CPA4: variants seen among roughly 807,000 people sequenced by gnomAD.
The protein encoded by CPA4 is carboxypeptidase A4, also known as carboxypeptidase A3.
A neutral mutation model predicts 54.7 loss-of-function variants in CPA4; 49 were observed. The ratio of observed to expected loss-of-function variants is 0.90; its 90% CI spans 0.71 to 1.14. The LOEUF is 1.14. Ranked by LOEUF, CPA4 falls within the 50% of genes most tolerant of loss-of-function variation. The pLI is 0.00. For missense variants in CPA4, 487 were observed against 525.1 expected (o/e 0.93, Z 0.71); for synonymous variants, 215 against 206.8 (o/e 1.04, Z -0.34).
intron 4 of CPA4, among the ~76,000 whole-genome samples, chr7:130,301,761 G>A (rs1045079529): frequency 6.6e-6 from 1 of 152,100 alleles, no homozygotes; most frequent in African/African-American, 2.4e-5. Context: ...TCCCATGCTT[G>A]TCGGTAGCTT....
intron 1 of CPA4, among the ~76,000 whole-genome samples, chr7:130,296,884 T>C (rs1281492022): frequency 6.6e-6 from 1 of 151,476 alleles, no homozygotes; most frequent in African/African-American, 2.4e-5. Context: ...AGAGCGTGAG[T>C]TCAGCGGACG....
At position 130,305,931 on chromosome 7, in the gene CPA4, G is replaced by A. The variant is rs779886656; in HGVS notation, c.591+11G>A. The A allele has an allele frequency of 6.2e-6, 10 of 1,605,492 alleles. No homozygotes were observed. The East Asian group carries it at 6.7e-5, about 11-fold the overall frequency. Reference sequence around the variant, plus strand: ...TGGACGGCAAGGAAGGTCATGCTGCGTGGTATTAGCCAGGAATGCTGATGG... The same window carrying A: ...TGGACGGCAAGGAAGGTCATGCTGCATGGTATTAGCCAGGAATGCTGATGG... On this transcript the variant is annotated intron_variant, in intron 6 of 10. Transcript: ENST00000222482.
At chr7:130,295,810 C>A (rs1356009648) in intron 1 of CPA4, among the ~76,000 whole-genome samples, 6 of 152,048 alleles carry the variant, frequency 3.9e-5, no homozygotes, top group Non-Finnish European at 7.4e-5. Context: ...AGAAACCCCG[C>A]CTCTACTAAA....
chr7:130,310,810 TG>T lies in CPA4; in HGVS notation c.818del (p.Cys273SerfsTer16), dbSNP rs754273591. ...AGGAAAGGGAGCCAGCGACAACCCTTGCTCCGAAGTGTACCATGGACCCCAC... is the reference window on the plus strand; with the variant it reads ...AGGAAAGGGAGCCAGCGACAACCCTTCTCCGAAGTGTACCATGGACCCCAC... ...FAGKGASDNP[C>X]SEVYHGPHAN... is the part of the protein sequence containing the mutation. On this transcript the variant is annotated frameshift_variant, in exon 9 of 11. Transcript: ENST00000222482. LOFTEE classifies it high-confidence loss of function. This position sits in a 1 kb window ranked among gnomAD's most constrained non-coding sequence, Gnocchi z 4.3. The T allele has an allele frequency of 1.3e-4, 208 of 1,614,048 alleles. No homozygotes were observed. Among genetic ancestry groups the T allele is most frequent in the Middle Eastern group, 6.6e-4 (4 of 6,084 alleles).
rs1562927923 is a variant in CPA4, at chr7:130,298,750, C to G, written c.73C>G (p.Gln25Glu). Residue 25 changes from glutamine to glutamate, a missense_variant, in exon 2 of 11, where the codon CAA (glutamine) becomes GAA (glutamate). Physicochemically the swap from Gln to Glu is conservative, Grantham distance 29 (BLOSUM62 2). Transcript: ENST00000222482. ...TCCTTTTCGCTTCTTCCCCAGGGAC[C>G]AAGTTTTGAGGATTAATGTCAGAAA... ...ICGQEKFFGD[Q>E]VLRINVRNGD... 3 of 1,604,304 alleles carry G rather than the reference C, an allele frequency of 1.9e-6. No individual in the cohort carries two copies.
rs368498370 is a variant in CPA4 at position 130,312,048 on chromosome 7, C to T, written c.1004C>T (p.Ala335Val). ...APDAEELDKVARLAAKALASV... is the reference protein window; with the variant it reads ...APDAEELDKVVRLAAKALASV... ...ATTCCCCCTTCCCAGGACAAGGTGGCGAGGCTTGCGGCCAAAGCTCTGGCT... is the reference window on the plus strand; with the variant it reads ...ATTCCCCCTTCCCAGGACAAGGTGGTGAGGCTTGCGGCCAAAGCTCTGGCT... The change falls in exon 10 of 11, where the codon GCG becomes GTG. Residue 335 changes from alanine to valine, a missense_variant. Physicochemically the swap from Ala to Val is moderately conservative, Grantham distance 64. Transcript: ENST00000222482. The T allele has an allele frequency of 2.3e-5, 37 of 1,613,770 alleles. No individual in the cohort carries two copies. Among genetic ancestry groups the T allele is most frequent in the East Asian group, 4.5e-5 (2 of 44,890 alleles).
In CPA4 at chr7:130,322,781, G is replaced by A; in HGVS notation, c.*105G>A. On this transcript the variant is annotated 3_prime_UTR_variant, in exon 11 of 11. Transcript: ENST00000222482. ...ACCTGTGTGAGTCAGAGCCCTCTGG[G>A]TTTGTGGAGCACACAGGCCTGCCCC... 8.4e-7 allele frequency: 1 copy of A among 1,187,306 alleles called. No homozygotes were observed. The highest frequency in any genetic ancestry group is 1.2e-6 in the Non-Finnish European group (1 of 850,934). The allele number at this position is 1,187,306 out of a possible 1,614,324, so 73.5% of individuals were successfully genotyped here. A position where few individuals can be genotyped will look rare whatever the true frequency, so the allele number is the denominator to read the frequency against.
intron 10 of CPA4, among the ~76,000 whole-genome samples, chr7:130,320,154 C>A (rs1400198899): frequency 6.6e-6 from 1 of 152,016 alleles, no homozygotes; most frequent in East Asian, 1.9e-4. Context: ...CACTACAGAG[C>A]CCTTAAATGA....
intron 2 of CPA4, 101 bp downstream of exon 2, chr7:130,298,928 A>T (rs1290754958): frequency 1.3e-6 from 1 of 747,532 alleles, no homozygotes; most frequent in Non-Finnish European, 2.3e-6. Context: ...GGAGTCTCTG[A>T]ATATAATCCT....
At chr7:130,300,973 C>G in intron 4 of CPA4, 59 bp downstream of exon 4, 1 of 1,053,964 alleles carries the variant, frequency 9.5e-7, no homozygotes, top group Admixed American at 1.8e-5. Context: ...TTTGTAACCT[C>G]TCTCCTTACT....
intron 5 of CPA4, among the ~76,000 whole-genome samples, chr7:130,304,876 C>G (rs1014035603): frequency 2.0e-5 from 3 of 152,148 alleles, no homozygotes; most frequent in African/African-American, 7.2e-5. Flanking sequence ...TCATTCTCAC[C>G]TCTGTAAATA....
At chr7:130,306,353 A>C (rs1394211010) in intron 6 of CPA4, 1 of 233,800 alleles carries the variant, frequency 4.3e-6, no homozygotes. Flanking sequence ...ACTGCACTCC[A>C]GCCTGGGCAA....
In CPA4 at chr7:130,322,741, A is replaced by G; in HGVS notation, c.*65A>G. The G allele has an allele frequency of 6.7e-7, 1 of 1,499,456 alleles. No homozygotes were observed. 92.9% of individuals were successfully genotyped at this position (1,499,456 alleles called of 1,614,324 possible). ...CGTGCACGCACTGAGGCCATTGTTA[A>G]AGGAGCTCTTTCCTACCTGTGTGAG... On this transcript the variant is annotated 3_prime_UTR_variant, in exon 11 of 11. Coordinates refer to ENST00000222482, the MANE Select transcript of CPA4 (RefSeq NM_016352.4).
rs114165722 is a variant in CPA4 at position 130,313,593 on chromosome 7, G to A, written c.1078+1471G>A. 7.3e-3 allele frequency among the ~76,000 whole-genome samples: 1,079 copies of A among 147,732 alleles called. 17 individuals carry two copies. The highest frequency in any genetic ancestry group is 0.025 in the African/African-American group (1,022 of 41,224). On this transcript the variant is annotated intron_variant, in intron 10 of 10. Transcript: ENST00000222482. ...GTTCTGTTGAAAGAGTTTTTTTAAA[G>A]TATGTTAAAGACGTGGCCAATCTGC...
intron 9 of CPA4, 138 bp downstream of exon 9, chr7:130,311,124 G>T (rs1343121733): frequency 5.9e-6 from 4 of 680,640 alleles, no homozygotes; most frequent in Non-Finnish European, 1.0e-5. Context: ...TTCTCTCCCT[G>T]CCCTTTGGGA....
Position 130,306,782 on chromosome 7 carries a change from C to T in CPA4, c.592-5C>T. 6.5e-7 allele frequency: 1 copy of T among 1,540,074 alleles called. No homozygotes were observed. Among genetic ancestry groups the T allele is most frequent in the Non-Finnish European group, 9.0e-7 (1 of 1,112,714 alleles). ...ATAGCTGACAAGCATATTGTCTCTGCTTAGATTGTATCTGATTACCAGAGG... is the reference window on the plus strand; with the variant it reads ...ATAGCTGACAAGCATATTGTCTCTGTTTAGATTGTATCTGATTACCAGAGG... On this transcript the variant is annotated splice_region_variant and splice_polypyrimidine_tract_variant and intron_variant, in intron 6 of 10. Transcript: ENST00000222482.
intron 6 of CPA4, among the ~76,000 whole-genome samples, chr7:130,306,577 A>T (rs919119047): frequency 9.9e-5 from 15 of 152,142 alleles, no homozygotes; most frequent in African/African-American, 3.6e-4. Flanking sequence ...CCATGTCCCC[A>T]AGCAGCCGTG....
At position 130,322,661 on chromosome 7, in the gene CPA4, G is replaced by A. The variant is rs1248936711; in HGVS notation, c.1251G>A (p.Arg417=). The change falls in exon 11 of 11, where the codon CGG becomes CGA. Residue 417 remains arginine (R), a synonymous_variant. Coordinates refer to ENST00000222482, the MANE Select transcript of CPA4 (RefSeq NM_016352.4). Reference sequence around the variant, plus strand: ...TGAAGACCATCATGGAGCATGTGCGGGACAACCTCTACTAGGCGATGGCTC... The same window carrying A: ...TGAAGACCATCATGGAGCATGTGCGAGACAACCTCTACTAGGCGATGGCTC... ...LGLKTIMEHV[R]DNLY is the part of the protein sequence containing the mutation. 21 of 1,613,814 alleles carry A rather than the reference G, an allele frequency of 1.3e-5. No homozygotes were observed. The highest frequency in any genetic ancestry group is 1.8e-5 in the Non-Finnish European group (21 of 1,179,862).
In CPA4 at chr7:130,293,248, GGTAA is replaced by G; in HGVS notation, c.68+3_68+6del. On this transcript the variant is annotated splice_donor_variant and splice_donor_region_variant and intron_variant, in intron 1 of 10. Transcript: ENST00000222482. LOFTEE classifies it high-confidence loss of function. ...ATCTGTGGCCAAGAAAAATTTTTTGGGTAAGTTCCTTTTGGACTTATTATTTGGT... is the reference window on the plus strand; with the variant it reads ...ATCTGTGGCCAAGAAAAATTTTTTGGGTTCCTTTTGGACTTATTATTTGGT... 6.3e-7 allele frequency: 1 copy of G among 1,586,714 alleles called. No homozygotes were observed. Among genetic ancestry groups the G allele is most frequent in the East Asian group, 2.2e-5 (1 of 44,736 alleles).
Sources: gnomAD v4.1 joint callset for allele counts (sites outside exome capture counted in the v4.1 genomes callset) on GRCh38, gnomAD v4.1.1 for gene constraint, Gnocchi (gnomAD v3.1) non-coding constraint, MANE v1.5 for transcripts, NCBI Gene and HGNC (gene_info 2026-07-23, HGNC 2026-07-21) for gene names.